ENOX1: variants seen among roughly 807,000 people sequenced by gnomAD.
ENOX1 encodes candidate growth-related and time keeping constitutive hydroquinone (NADH) oxidase.
In ENOX1, 42 loss-of-function variants were observed where a neutral mutation model predicts 82.5. The observed-to-expected ratio is 0.51, with a 90% CI of 0.40 to 0.66. The LOEUF (loss-of-function observed/expected upper bound fraction) is 0.66. Among genes scored for constraint, ENOX1 ranks in the 30% least tolerant of loss-of-function variants. The pLI, the probability that ENOX1 is intolerant of heterozygous loss-of-function variation, is 0.00. For synonymous variants in ENOX1, 271 were observed against 282.2 expected (o/e 0.96, Z 0.40); for missense variants, 608 against 811.6 (o/e 0.75, Z 3.05).
intron 12 of ENOX1, among the ~76,000 whole-genome samples, chr13:43,282,035 A>T (rs1364166507): frequency 6.6e-6 from 1 of 152,156 alleles, no homozygotes; most frequent in African/African-American, 2.4e-5. Flanking sequence ...GATAACCTTT[A>T]ACAGGATAAG....
intron 11 of ENOX1, among the ~76,000 whole-genome samples, chr13:43,301,620 T>C (rs1343072286): frequency 6.6e-6 from 1 of 150,900 alleles, no homozygotes. Flanking sequence ...GCAAATTCCA[T>C]CAACATTTTT....
chr13:43,334,871 T>C (rs971359663), intron 9 of ENOX1, among the ~76,000 whole-genome samples: 1 of 152,116 alleles, frequency 6.6e-6, no homozygotes, highest in Non-Finnish European at 1.5e-5. Flanking sequence ...CAGGGGAAAC[T>C]TACAGAAGTG....
At chr13:43,659,209 C>A (rs2084594834) in intron 2 of ENOX1, among the ~76,000 whole-genome samples, 1 of 152,074 alleles carries the variant, frequency 6.6e-6, no homozygotes, top group Non-Finnish European at 1.5e-5. Flanking sequence ...ATTCTTCTGG[C>A]CGGGCACTGT....
intron 9 of ENOX1, among the ~76,000 whole-genome samples, chr13:43,327,757 C>A (rs1299736291): frequency 6.6e-6 from 1 of 152,168 alleles, no homozygotes; most frequent in African/African-American, 2.4e-5. Flanking sequence ...AGAAGAACAA[C>A]ACTTGGTGCC....
chr13:43,380,189 AATG>A (rs1348577493), intron 5 of ENOX1, among the ~76,000 whole-genome samples: 4 of 151,792 alleles, frequency 2.6e-5, no homozygotes, highest in African/African-American at 9.7e-5. Flanking sequence ...GGCAGAGAAA[AATG>A]ATGAGCTGTA....
rs949278531 is a variant in ENOX1, at chr13:43,402,033, A to G, written c.208+9883T>C. 2.0e-5 allele frequency among the ~76,000 whole-genome samples: 3 copies of G among 152,344 alleles called. No homozygotes were observed. In the South Asian group the frequency reaches 6.2e-4, roughly 32 times the overall value. Reference sequence around the variant, plus strand: ...TAAATTAGTAGGCATGCAAAGAAACAGAAAAATAAGACCTATCATAAAGAT... The same window carrying G: ...TAAATTAGTAGGCATGCAAAGAAACGGAAAAATAAGACCTATCATAAAGAT... On this transcript the variant is annotated intron_variant, in intron 5 of 16. Coordinates refer to ENST00000690772, the MANE Select transcript of ENOX1 (RefSeq NM_001347969.2).
At chr13:43,278,475 C>A (rs1018018547) in intron 12 of ENOX1, among the ~76,000 whole-genome samples, 4 of 151,990 alleles carry the variant, frequency 2.6e-5, no homozygotes, top group African/African-American at 4.8e-5. Context: ...CCCACAGGAC[C>A]ACTCTGAGAA....
intron 13 of ENOX1, among the ~76,000 whole-genome samples, chr13:43,268,251 C>A (rs1014613147): frequency 1.3e-5 from 2 of 152,182 alleles, no homozygotes; most frequent in African/African-American, 2.4e-5. Context: ...TTTGGACCAA[C>A]TCAGTTCCAC....
chr13:43,367,873 T>C (rs560228290), intron 5 of ENOX1, among the ~76,000 whole-genome samples: 6 of 152,206 alleles, frequency 3.9e-5, no homozygotes, highest in Admixed American at 6.5e-5. Context: ...AATACACTTA[T>C]TGGGATCCTA....
chr13:43,645,683 A>C (rs2153772101), intron 2 of ENOX1, among the ~76,000 whole-genome samples: 1 of 152,302 alleles, frequency 6.6e-6, no homozygotes, highest in East Asian at 1.9e-4. Flanking sequence ...GTTTGGTTGA[A>C]TCCCTATTCC....
chr13:43,268,184 G>T (rs1486005468), intron 13 of ENOX1, among the ~76,000 whole-genome samples: 1 of 152,128 alleles, frequency 6.6e-6, no homozygotes, highest in Non-Finnish European at 1.5e-5. Context: ...AAAAATCGGG[G>T]TGAGAGAGCA....
chr13:43,250,278 G>A (rs1056797140), intron 14 of ENOX1, among the ~76,000 whole-genome samples: 1 of 152,120 alleles, frequency 6.6e-6, no homozygotes, highest in Non-Finnish European at 1.5e-5. Flanking sequence ...CTTGGTTCAA[G>A]CCCTTGATCC....
chr13:43,625,705 G>A (rs1294078111), intron 2 of ENOX1, among the ~76,000 whole-genome samples: 1 of 150,716 alleles, frequency 6.6e-6, no homozygotes, highest in Non-Finnish European at 1.5e-5. Flanking sequence ...ACTAGGTTAT[G>A]GTAAACAATT....
At chr13:43,522,717 G>A (rs1399498039) in intron 2 of ENOX1, among the ~76,000 whole-genome samples, 1 of 151,952 alleles carries the variant, frequency 6.6e-6, no homozygotes, top group Non-Finnish European at 1.5e-5. Flanking sequence ...TTAGTGCACT[G>A]GTACCCAGAT....
At chr13:43,333,021 CT>C (rs1246362888) in intron 9 of ENOX1, among the ~76,000 whole-genome samples, 1 of 152,028 alleles carries the variant, frequency 6.6e-6, no homozygotes, top group Non-Finnish European at 1.5e-5. Context: ...TATGAGAAAC[CT>C]TTTTTACTTA....
At chr13:43,307,829 G>C (rs960312232) in intron 11 of ENOX1, among the ~76,000 whole-genome samples, 2 of 152,246 alleles carry the variant, frequency 1.3e-5, no homozygotes, top group African/African-American at 4.8e-5. Context: ...TATGTCTGGA[G>C]AAAGTTTCTG....
At chr13:43,272,144 G>A (rs150096624) in intron 12 of ENOX1, among the ~76,000 whole-genome samples, 39 of 152,148 alleles carry the variant, frequency 2.6e-4, no homozygotes, top group African/African-American at 8.9e-4. Context: ...TGTGCAGAAC[G>A]TGTAGGTTTG....
chr13:43,573,883 C>A (rs2080296576), intron 2 of ENOX1, among the ~76,000 whole-genome samples: 1 of 152,144 alleles, frequency 6.6e-6, no homozygotes, highest in Non-Finnish European at 1.5e-5. Context: ...CAGTATCCAG[C>A]ATTAAAGGCT....
At chr13:43,438,196 T>C (rs911046651) in intron 3 of ENOX1, among the ~76,000 whole-genome samples, 2 of 152,134 alleles carry the variant, frequency 1.3e-5, no homozygotes, top group Non-Finnish European at 2.9e-5. Context: ...ATATTTTAAA[T>C]GGGGAGTGAC....
Sources: allele counts gnomAD v4.1 joint callset (sites outside exome capture counted in the v4.1 genomes callset), GRCh38; gene constraint gnomAD v4.1.1; transcripts MANE v1.5; gene names NCBI Gene and HGNC (gene_info 2026-07-23, HGNC 2026-07-21).